Variants in DCTN6 observed in about 807,000 individuals in gnomAD.
The protein encoded by DCTN6 is dynactin subunit 6.
A neutral mutation model predicts 25.8 loss-of-function variants in DCTN6; 15 were observed. The ratio of observed to expected loss-of-function variants is 0.58; its 90% CI spans 0.39 to 0.89. DCTN6 has a LOEUF of 0.89. Ranked by LOEUF, DCTN6 falls within the 40% of genes least tolerant of loss-of-function variation. The pLI, the probability that DCTN6 is intolerant of heterozygous loss-of-function variation, is 0.00. For missense variants in DCTN6, 198 were observed against 237.6 expected (o/e 0.83, Z 1.09); for synonymous variants, 64 against 78.3 (o/e 0.82, Z 0.96).
In DCTN6 at chr8:30,183,373, C is replaced by T. The variant is rs1386418596; in HGVS notation, c.*200C>T. The T allele has an allele frequency of 1.0e-5, 4 of 399,930 alleles. No individual in the cohort carries two copies. In the East Asian group the frequency reaches 1.3e-4, roughly 13 times the overall value. 24.8% of individuals were successfully genotyped at this position (399,930 alleles called of 1,614,324 possible). ...TATAAATGTATTATTTTCCTATATCCTTGGTTCTTTTCTGATAATTTACAG... is the reference window on the plus strand; with the variant it reads ...TATAAATGTATTATTTTCCTATATCTTTGGTTCTTTTCTGATAATTTACAG... On this transcript the variant is annotated 3_prime_UTR_variant, in exon 7 of 7. Coordinates refer to ENST00000221114, the MANE Select transcript of DCTN6 (RefSeq NM_006571.4).
chr8:30,175,304 C>T (rs1452956926), intron 3 of DCTN6, 114 bp downstream of exon 3: 2 of 817,340 alleles, frequency 2.4e-6, no homozygotes, highest in Non-Finnish European at 3.9e-6. Context: ...TATTTTAGAG[C>T]TAGAGAAGCA....
intron 1 of DCTN6, among the ~76,000 whole-genome samples, chr8:30,158,016 C>T (rs1803549427): frequency 6.6e-6 from 1 of 151,894 alleles, no homozygotes; most frequent in Non-Finnish European, 1.5e-5. Context: ...TCCCATCTGC[C>T]GGCTCACCTC....
chr8:30,179,279 G>T, intron 4 of DCTN6, 129 bp from the exon 5 acceptor site: 1 of 576,368 alleles, frequency 1.7e-6, no homozygotes, highest in South Asian at 3.3e-5. Context: ...AAAGAGTTCT[G>T]GCAAGGGTGA....
intron 3 of DCTN6, among the ~76,000 whole-genome samples, chr8:30,175,484 G>A (rs772240252): frequency 1.3e-5 from 2 of 151,056 alleles, no homozygotes; most frequent in Admixed American, 6.6e-5. Context: ...AACATTTCCC[G>A]AACACTTCAA....
chr8:30,169,375 G>A (rs1352462159), intron 2 of DCTN6, among the ~76,000 whole-genome samples: 2 of 152,214 alleles, frequency 1.3e-5, no homozygotes, highest in Non-Finnish European at 2.9e-5. Context: ...CAGGAAAAGT[G>A]TCCTTTACCA....
chr8:30,179,491 G>A (rs772069009), intron 5 of DCTN6, 36 bp downstream of exon 5: 20 of 1,577,390 alleles, frequency 1.3e-5, no homozygotes, highest in African/African-American at 2.7e-5. Context: ...TCAAAGCAGT[G>A]ACCTCTTTTC....
chr8:30,159,983 G>A (rs562036360), intron 1 of DCTN6, among the ~76,000 whole-genome samples: 19 of 152,036 alleles, frequency 1.2e-4, no homozygotes, highest in African/African-American at 4.3e-4. Context: ...GCTGGTTTTG[G>A]TTGTTTTTCT....
intron 2 of DCTN6, among the ~76,000 whole-genome samples, chr8:30,164,828 G>A (rs533543479): frequency 6.6e-6 from 1 of 152,332 alleles, no homozygotes; most frequent in Admixed American, 6.5e-5. Flanking sequence ...GGATGAGAAA[G>A]GGGAGGCGTG....
chr8:30,181,895 A>G (rs1267736183), intron 6 of DCTN6, among the ~76,000 whole-genome samples: 1 of 152,054 alleles, frequency 6.6e-6, no homozygotes, highest in Admixed American at 6.6e-5. Flanking sequence ...AATAGTTTCA[A>G]GACATAACTT....
chr8:30,173,582 TA>T (rs1483342355), intron 2 of DCTN6, among the ~76,000 whole-genome samples: 1 of 151,778 alleles, frequency 6.6e-6, no homozygotes, highest in Non-Finnish European at 1.5e-5. Context: ...CTCTAAAAAT[TA>T]GCTGGATGTG....
At chr8:30,179,297 T>C (rs922177330) in intron 4 of DCTN6, 111 bp from the exon 5 acceptor site, 1 of 748,066 alleles carries the variant, frequency 1.3e-6, no homozygotes, top group East Asian at 2.9e-5. Context: ...TGAGCCTGCA[T>C]GGCCCATCTG....
Position 30,175,242 on chromosome 8 carries a change from T to G in DCTN6, c.194+52T>G, listed in dbSNP as rs150237724. On this transcript the variant is annotated intron_variant, in intron 3 of 6. Coordinates refer to ENST00000221114, the MANE Select transcript of DCTN6 (RefSeq NM_006571.4). ...CAAGTACCATGGGTAACGGTTTTTC[T>G]TAATTTCAGCTGTCTGTAAGAACCT... The G allele has an allele frequency of 2.2e-4, 334 of 1,512,104 alleles. 4 individuals are homozygous for G. In the East Asian group the frequency reaches 7.4e-3, roughly 33 times the overall value. The allele number at this position is 1,512,104 out of a possible 1,614,324, so 93.7% of individuals were successfully genotyped here.
intron 2 of DCTN6, 41 bp from the exon 3 acceptor site, chr8:30,175,044 T>C: frequency 6.4e-7 from 1 of 1,570,434 alleles, no homozygotes; most frequent in Non-Finnish European, 8.7e-7. Flanking sequence ...GTTGGAAGCA[T>C]AGCCTCCACC....
intron 5 of DCTN6, among the ~76,000 whole-genome samples, chr8:30,179,932 T>C (rs1803890461): frequency 6.6e-6 from 1 of 152,234 alleles, no homozygotes; most frequent in African/African-American, 2.4e-5. Context: ...TTCAAGAGCT[T>C]GTCCCACCAA....
intron 2 of DCTN6, among the ~76,000 whole-genome samples, chr8:30,172,887 T>C (rs374224032): frequency 6.6e-6 from 1 of 152,210 alleles, no homozygotes; most frequent in East Asian, 1.9e-4. Flanking sequence ...TATGTGAATA[T>C]GTGTTATATA....
chr8:30,181,220 A>G (rs759308372), intron 6 of DCTN6, among the ~76,000 whole-genome samples: 17 of 152,136 alleles, frequency 1.1e-4, no homozygotes, highest in Non-Finnish European at 1.9e-4. Flanking sequence ...GGTCTCATGC[A>G]TTGTCACTGA....
At chr8:30,177,545 A>G (rs1803857284) in intron 4 of DCTN6, 1 of 161,454 alleles carries the variant, frequency 6.2e-6, no homozygotes, top group African/African-American at 2.4e-5. Context: ...CATCTCTACT[A>G]TTAAAAAAAA....
chr8:30,165,074 T>G (rs764507114), intron 2 of DCTN6, among the ~76,000 whole-genome samples: 2 of 152,190 alleles, frequency 1.3e-5, no homozygotes, highest in Non-Finnish European at 2.9e-5. Flanking sequence ...AATGAGCAAT[T>G]TTCATAACAT....
At position 30,177,064 on chromosome 8, in the gene DCTN6, T is replaced by C. The variant is rs577326958; in HGVS notation, c.195-62T>C. ...GAAAGAATTAACCCAAATTCGAAAA[T>C]GGGAAGAAAATTGCTTATTGTGTTA... On this transcript the variant is annotated intron_variant, in intron 3 of 6. Coordinates refer to ENST00000221114, the MANE Select transcript of DCTN6 (RefSeq NM_006571.4). 278 of 1,365,784 alleles carry C rather than the reference T, an allele frequency of 2.0e-4. 4 individuals are homozygous for C. The South Asian group carries it at 3.3e-3, about 16-fold the overall frequency. 84.6% of individuals were successfully genotyped at this position (1,365,784 alleles called of 1,614,324 possible). A position where few individuals can be genotyped will look rare whatever the true frequency, so the allele number is the denominator to read the frequency against.
Sources: allele counts gnomAD v4.1 joint callset (sites outside exome capture counted in the v4.1 genomes callset), GRCh38; gene constraint gnomAD v4.1.1; transcripts MANE v1.5; gene names NCBI Gene and HGNC (gene_info 2026-07-23, HGNC 2026-07-21).